The following STK39 variants were observed in gnomAD, a reference collection of about 807,000 sequenced individuals.
STK39 encodes the protein serine/threonine kinase 39.
STK39 carries 20 observed loss-of-function variants against 77.8 expected under a neutral mutation model. The observed-to-expected ratio is 0.26, with a 90% CI of 0.18 to 0.37. The LOEUF is 0.37. Ranked by LOEUF, STK39 falls within the 10% of genes least tolerant of loss-of-function variation. The pLI, the probability that STK39 is intolerant of heterozygous loss-of-function variation, is 1.00. For synonymous variants in STK39, 246 were observed against 234.1 expected, an observed-to-expected ratio of 1.05 and a Z score of -0.47; for missense variants, 479 against 656.5, an observed-to-expected ratio of 0.73 and a Z score of 2.95.
chr2:168,114,162 T>C (rs1424588573), intron 10 of STK39, among the ~76,000 whole-genome samples: 1 of 152,210 alleles, frequency 6.6e-6, no homozygotes, highest in Admixed American at 6.5e-5. Flanking sequence ...GGACTGTGTA[T>C]GTTGGCAGAA....
chr2:168,087,496 G>A (rs1384708207), intron 10 of STK39, among the ~76,000 whole-genome samples: 1 of 152,188 alleles, frequency 6.6e-6, no homozygotes, highest in Non-Finnish European at 1.5e-5. Context: ...GATTCAATAC[G>A]TGGAAAAGCT....
chr2:168,138,310 A>G lies in STK39; in HGVS notation c.841-89T>C, dbSNP rs1687889970. 4 of 1,477,194 alleles carry G rather than the reference A, an allele frequency of 2.7e-6. No homozygotes were observed. The South Asian group carries it at 5.4e-5, about 20-fold the overall frequency. 91.5% of individuals were successfully genotyped at this position (1,477,194 alleles called of 1,614,324 possible). On this transcript the variant is annotated intron_variant, in intron 7 of 17. Coordinates refer to ENST00000355999, the MANE Select transcript of STK39 (RefSeq NM_013233.3). ...ATTTTTCATAAAAGTGTAAAAAACC[A>G]TCCTTGATTAGATACAAAGTGCTTT...
intron 1 of STK39, among the ~76,000 whole-genome samples, chr2:168,233,963 T>A (rs1690528443): frequency 6.6e-6 from 1 of 152,238 alleles, no homozygotes; most frequent in African/African-American, 2.4e-5. Context: ...ATTTCAAAAC[T>A]ATTTTCCTAA....
chr2:168,029,480 T>C (rs1386673981), intron 14 of STK39, among the ~76,000 whole-genome samples: 3 of 152,148 alleles, frequency 2.0e-5, no homozygotes, highest in Non-Finnish European at 4.4e-5. Context: ...ACGATGAAAG[T>C]TTTTTTCTCC....
At chr2:168,128,786 A>G (rs568355680) in intron 10 of STK39, among the ~76,000 whole-genome samples, 1 of 152,308 alleles carries the variant, frequency 6.6e-6, no homozygotes, top group East Asian at 1.9e-4. Context: ...ACACAGATTC[A>G]TGTCAGCTTT....
In STK39 at chr2:167,972,243, T is replaced by C. The variant is rs967166330; in HGVS notation, c.1499-7517A>G. ...TGGTTTAATGAGTGGTAAAAGTCAC[T>C]GTTTATCTCTCTTGTAAAGTTTTAA... On this transcript the variant is annotated intron_variant, in intron 16 of 17. Transcript: ENST00000355999. Among the ~76,000 whole-genome samples the C allele has an allele frequency of 1.2e-4, 18 of 152,318 alleles. No individual in the cohort carries two copies. The East Asian group carries it at 3.5e-3, about 29-fold the overall frequency.
At chr2:168,082,022 C>A (rs1174615299) in intron 10 of STK39, among the ~76,000 whole-genome samples, 1 of 152,144 alleles carries the variant, frequency 6.6e-6, no homozygotes, top group East Asian at 1.9e-4. Flanking sequence ...AGCGCAAAAA[C>A]ATACTAACAC....
chr2:168,198,364 T>C (rs1390047923), intron 1 of STK39, among the ~76,000 whole-genome samples: 2 of 152,314 alleles, frequency 1.3e-5, no homozygotes, highest in East Asian at 3.9e-4. Context: ...GCACTTGAAT[T>C]CTCCTTTATC....
chr2:168,101,212 TA>T (rs2105450972), intron 10 of STK39, among the ~76,000 whole-genome samples: 1 of 152,014 alleles, frequency 6.6e-6, no homozygotes, highest in South Asian at 2.1e-4. Flanking sequence ...TGTCGGGGGT[TA>T]GGGGCAAGGG....
At chr2:168,203,874 G>A (rs1038701947) in intron 1 of STK39, among the ~76,000 whole-genome samples, 10 of 152,216 alleles carry the variant, frequency 6.6e-5, no homozygotes, top group East Asian at 3.9e-4. Context: ...GATTACAGGC[G>A]TGAGCCACCG....
chr2:168,132,628 C>T (rs536636657), intron 8 of STK39, among the ~76,000 whole-genome samples: 2 of 152,178 alleles, frequency 1.3e-5, no homozygotes, highest in Non-Finnish European at 2.9e-5. Context: ...CACCCTCGCT[C>T]ATCAGTCAAG....
intron 1 of STK39, among the ~76,000 whole-genome samples, chr2:168,239,167 G>A (rs562153010): frequency 2.8e-4 from 42 of 152,234 alleles, no homozygotes; most frequent in African/African-American, 9.4e-4. Flanking sequence ...ATCCCTGATC[G>A]TCTCCAGCAG....
At chr2:168,135,256 A>G (rs1015116146) in intron 8 of STK39, among the ~76,000 whole-genome samples, 3 of 152,086 alleles carry the variant, frequency 2.0e-5, no homozygotes, top group Non-Finnish European at 2.9e-5. Context: ...TTGGTCAGAA[A>G]AAAAAAAAAG....
At chr2:167,973,461 T>C (rs1418090002) in intron 16 of STK39, among the ~76,000 whole-genome samples, 1 of 152,206 alleles carries the variant, frequency 6.6e-6, no homozygotes, top group African/African-American at 2.4e-5. Flanking sequence ...TTTTGTATAG[T>C]AAATTCTTGT....
At position 168,029,832 on chromosome 2, in the gene STK39, T is replaced by G. The variant is rs192860465; in HGVS notation, c.1377-12737A>C. 1.2e-4 allele frequency among the ~76,000 whole-genome samples: 19 copies of G among 152,306 alleles called. No homozygotes were observed. In the East Asian group the frequency reaches 3.7e-3, roughly 29 times the overall value. ...CATGAACATGCAGGAGACTGGCTTATGTCCTCTCTTGGAAAGCTGGTGGCT... is the reference window on the plus strand; with the variant it reads ...CATGAACATGCAGGAGACTGGCTTAGGTCCTCTCTTGGAAAGCTGGTGGCT... On this transcript the variant is annotated intron_variant, in intron 14 of 17. Transcript: ENST00000355999.
intron 14 of STK39, among the ~76,000 whole-genome samples, chr2:168,032,304 T>G (rs1016498047): frequency 3.3e-5 from 5 of 152,258 alleles, no homozygotes; most frequent in African/African-American, 1.2e-4. Flanking sequence ...GGAATCTGTA[T>G]GATTAGAGCC....
At chr2:168,222,719 C>CTAA (rs1690205774) in intron 1 of STK39, among the ~76,000 whole-genome samples, 1 of 152,144 alleles carries the variant, frequency 6.6e-6, no homozygotes, top group Non-Finnish European at 1.5e-5. Context: ...AGGTGCTTAA[C>CTAA]TAATGTTTAT....
chr2:168,084,946 C>T (rs1183295486), intron 10 of STK39, among the ~76,000 whole-genome samples: 1 of 152,154 alleles, frequency 6.6e-6, no homozygotes, highest in Non-Finnish European at 1.5e-5. Flanking sequence ...AGAACCTCTG[C>T]ATTAAATAAC....
At chr2:168,013,793 G>GGTGTGTGTGTGTGTGTGT (rs4000936) in intron 15 of STK39, among the ~76,000 whole-genome samples, 17 of 147,764 alleles carry the variant, frequency 1.2e-4, no homozygotes, top group African/African-American at 4.1e-4. Flanking sequence ...TAAGTGGGCT[G>GGTGTGTGTGTGTGTGTGT]GTGTGTGTGT....
Sources: allele counts gnomAD v4.1 joint callset (sites outside exome capture counted in the v4.1 genomes callset), GRCh38; gene constraint gnomAD v4.1.1; transcripts MANE v1.5; gene names NCBI Gene and HGNC (gene_info 2026-07-23, HGNC 2026-07-21).